Variants in WDSUB1 observed in about 807,000 individuals in gnomAD.
The protein encoded by WDSUB1 is WD repeat, SAM and U-box domain-containing protein 1.
WDSUB1 carries 49 observed loss-of-function variants against 53.9 expected under a neutral mutation model. The observed-to-expected ratio is 0.91, with a 90% CI of 0.72 to 1.15. WDSUB1 has a LOEUF of 1.15. Among genes scored for constraint, WDSUB1 ranks in the 50% most tolerant of loss-of-function variants. The pLI, the probability that WDSUB1 is intolerant of heterozygous loss-of-function variation, is 0.00. For synonymous variants in WDSUB1, 194 were observed against 200.6 expected (o/e 0.97, Z 0.28); for missense variants, 514 against 562.0 (o/e 0.91, Z 0.86).
intron 9 of WDSUB1, among the ~76,000 whole-genome samples, chr2:159,254,942 G>A (rs1205304902): frequency 1.3e-5 from 2 of 152,126 alleles, no homozygotes; most frequent in Non-Finnish European, 1.5e-5. Flanking sequence ...ACCAGCCTGG[G>A]CAATAGAGAG....
intron 10 of WDSUB1, among the ~76,000 whole-genome samples, chr2:159,246,044 T>G (rs2060787491): frequency 6.6e-6 from 1 of 152,034 alleles, no homozygotes; most frequent in Admixed American, 6.6e-5. Flanking sequence ...GGAAAAAACT[T>G]GAAGATATAA....
chr2:159,239,462 TAC>T, intron 10 of WDSUB1, among the ~76,000 whole-genome samples: 1 of 152,332 alleles, frequency 6.6e-6, no homozygotes, highest in African/African-American at 2.4e-5. Flanking sequence ...TTTCTACATA[TAC>T]AGTTATATAG....
intron 10 of WDSUB1, among the ~76,000 whole-genome samples, chr2:159,240,063 C>T (rs911978313): frequency 6.6e-6 from 1 of 152,162 alleles, no homozygotes; most frequent in Non-Finnish European, 1.5e-5. Flanking sequence ...GCAGTCACTG[C>T]CCCCGCAGCG....
Position 159,278,311 on chromosome 2 carries a change from T to C in WDSUB1, c.583+1450A>G, listed in dbSNP as rs558865947. On this transcript the variant is annotated intron_variant, in intron 3 of 10. Transcript: ENST00000359774. ...GGAGTTTAACGTAAGAATGGGTTTA[T>C]GAAAAGAAAATCTATTATTTCAGCA... Among the ~76,000 whole-genome samples, 6 of 152,286 alleles carry C rather than the reference T, an allele frequency of 3.9e-5. No homozygotes were observed. In the East Asian group the frequency reaches 9.6e-4, roughly 24 times the overall value.
intron 1 of WDSUB1, among the ~76,000 whole-genome samples, chr2:159,284,693 C>T (rs2061750759): frequency 6.6e-6 from 1 of 152,170 alleles, no homozygotes; most frequent in South Asian, 2.1e-4. Context: ...AGCCAGACCA[C>T]GCTCAAGAAC....
At chr2:159,251,117 T>C (rs2060942138) in intron 9 of WDSUB1, among the ~76,000 whole-genome samples, 1 of 149,652 alleles carries the variant, frequency 6.7e-6, no homozygotes, top group Non-Finnish European at 1.5e-5. Context: ...ATTTTAAAAA[T>C]TAGCTGGGCA....
In WDSUB1 at chr2:159,266,294, C is replaced by T. The variant is rs528942748; in HGVS notation, c.770+5408G>A. Among the ~76,000 whole-genome samples the T allele has an allele frequency of 3.9e-3, 589 of 151,992 alleles. 2 individuals carry two copies. Among genetic ancestry groups the T allele is most frequent in the Non-Finnish European group, 6.6e-3 (451 of 67,914 alleles). ...AGCACCGCCTCCCGGGTTCACGCCA[C>T]TCTCCTGCCTCAGCCTCCCGAGTAG... On this transcript the variant is annotated intron_variant, in intron 5 of 10. Transcript: ENST00000359774.
chr2:159,244,664 C>T lies in WDSUB1; in HGVS notation c.1273+3708G>A, dbSNP rs572505679. Among the ~76,000 whole-genome samples, 9 of 152,272 alleles carry T rather than the reference C, an allele frequency of 5.9e-5. No homozygotes were observed. The East Asian group carries it at 1.2e-3, about 20-fold the overall frequency. ...TACTGGCCAGGCTCAGTGGCTCACACGTCTTATCTCAGCACTTTGGGAGGA... is the reference window on the plus strand; with the variant it reads ...TACTGGCCAGGCTCAGTGGCTCACATGTCTTATCTCAGCACTTTGGGAGGA... On this transcript the variant is annotated intron_variant, in intron 10 of 10. Transcript: ENST00000359774.
At chr2:159,238,436 C>T (rs770080476) in intron 10 of WDSUB1, among the ~76,000 whole-genome samples, 5 of 152,132 alleles carry the variant, frequency 3.3e-5, no homozygotes, top group African/African-American at 4.8e-5. Flanking sequence ...AGGTACAAGC[C>T]GCTGCGCTCT....
chr2:159,271,880 T>A, intron 4 of WDSUB1, 85 bp from the exon 5 acceptor site: 1 of 1,116,908 alleles, frequency 9.0e-7, no homozygotes, highest in Non-Finnish European at 1.3e-6. Context: ...CTTATTTATT[T>A]AACAAATAAT....
At chr2:159,250,172 G>C (rs777994623) in intron 9 of WDSUB1, among the ~76,000 whole-genome samples, 1 of 151,308 alleles carries the variant, frequency 6.6e-6, no homozygotes. Context: ...GTAATAAACC[G>C]TTTGAGTCAG....
intron 9 of WDSUB1, among the ~76,000 whole-genome samples, chr2:159,253,766 A>T (rs2061001862): frequency 6.6e-6 from 1 of 152,216 alleles, no homozygotes; most frequent in Admixed American, 6.5e-5. Flanking sequence ...TTCTAGACCA[A>T]ATTTAATTCT....
At position 159,244,835 on chromosome 2, in the gene WDSUB1, C is replaced by T. The variant is rs143019730; in HGVS notation, c.1273+3537G>A. Reference sequence around the variant, plus strand: ...GTTCCAGCTACTTGGCAGGCTGAGGCAGAAGGATTGCTTGAGCCCAGGAGG... The same window carrying T: ...GTTCCAGCTACTTGGCAGGCTGAGGTAGAAGGATTGCTTGAGCCCAGGAGG... On this transcript the variant is annotated intron_variant, in intron 10 of 10. Transcript: ENST00000359774. 6.8e-4 allele frequency among the ~76,000 whole-genome samples: 103 copies of T among 152,218 alleles called. No homozygotes were observed. The East Asian group carries it at 0.019, about 27-fold the overall frequency.
intron 10 of WDSUB1, among the ~76,000 whole-genome samples, chr2:159,240,656 T>C (rs2060620679): frequency 6.6e-6 from 1 of 152,218 alleles, no homozygotes; most frequent in Non-Finnish European, 1.5e-5. Flanking sequence ...AACCTTATGA[T>C]GTAAGATATT....
intron 6 of WDSUB1, among the ~76,000 whole-genome samples, chr2:159,258,760 A>T (rs1416715747): frequency 6.6e-6 from 1 of 152,162 alleles, no homozygotes; most frequent in African/African-American, 2.4e-5. Flanking sequence ...TACAGAGACA[A>T]TTTAGTGTTA....
At chr2:159,238,769 T>C (rs987523789) in intron 10 of WDSUB1, among the ~76,000 whole-genome samples, 1 of 150,812 alleles carries the variant, frequency 6.6e-6, no homozygotes, top group African/African-American at 2.5e-5. Context: ...TCTAGGTTAT[T>C]TTTGCTGTTC....
In WDSUB1 at chr2:159,282,912, T is replaced by C. The variant is rs1309723444; in HGVS notation, c.158A>G (p.His53Arg). 6.2e-7 allele frequency: 1 copy of C among 1,614,066 alleles called. No homozygotes were observed. Among genetic ancestry groups the C allele is most frequent in the Non-Finnish European group, 8.5e-7 (1 of 1,180,046 alleles). The part of the protein sequence containing the change: ...TELPHSPLKF[H>R]TYAVHCCCFS... ...ACAGCAGCAGTGGACAGCATAGGTA[T>C]GAAACTTCAATGGAGAATGTGGCAG... The change falls in exon 2 of 11, where the codon CAT becomes CGT. Residue 53 changes from histidine to arginine, a missense_variant. Physicochemically the swap from His to Arg is conservative, Grantham distance 29 (BLOSUM62 0). Coordinates refer to ENST00000359774, the MANE Select transcript of WDSUB1 (RefSeq NM_001128212.3).
chr2:159,282,178 A>C (rs1289318950), intron 2 of WDSUB1, among the ~76,000 whole-genome samples: 1 of 150,408 alleles, frequency 6.6e-6, no homozygotes, highest in Admixed American at 6.7e-5. Context: ...TTTGACCTTT[A>C]GAAGGCCAGT....
chr2:159,258,201 T>C (rs780925409), intron 6 of WDSUB1, among the ~76,000 whole-genome samples: 1 of 152,228 alleles, frequency 6.6e-6, no homozygotes, highest in African/African-American at 2.4e-5. Flanking sequence ...ATCGGCATTA[T>C]TGTCTGCTAG....
Sources: allele counts gnomAD v4.1 joint callset (sites outside exome capture counted in the v4.1 genomes callset), GRCh38; gene constraint gnomAD v4.1.1; transcripts MANE v1.5; gene names NCBI Gene and HGNC (gene_info 2026-07-23, HGNC 2026-07-21).